Variants in PODXL observed in about 807,000 individuals in gnomAD.
PODXL encodes the protein podocalyxin.
PODXL carries 20 observed loss-of-function variants against 48.9 expected under a neutral mutation model. The observed-to-expected ratio is 0.41, with a 90% confidence interval of 0.29 to 0.59. PODXL has a LOEUF of 0.59. Ranked by LOEUF, PODXL falls within the 20% of genes least tolerant of loss-of-function variation. The pLI is 0.31. For missense variants in PODXL, 606 were observed against 675.1 expected (o/e 0.90, Z 1.13); for synonymous variants, 295 against 287.4 (o/e 1.03, Z -0.27).
rs759031194 is a variant in PODXL, at chr7:131,509,478, C to G, written c.910G>C (p.Ala304Pro). The G allele has an allele frequency of 6.2e-7, 1 of 1,613,848 alleles. No homozygotes were observed. The highest frequency in any genetic ancestry group is 1.1e-5 in the South Asian group (1 of 91,010). The change falls in exon 4 of 9, where the codon GCA becomes CCA. Residue 304 changes from alanine to proline, a missense_variant. Ala to Pro is a conservative substitution (Grantham distance 27). Transcript: ENST00000378555. The stretch of plus-strand genomic sequence containing the variant: ...TCTGGCAGGGTAGGTGTTCTCAATG[C>G]CGTTGCCGGGCTCGTGGGCTGCACT... ...ETVQPTSPAT[A>P]LRTPTLPETM...
chr7:131,551,699 G>A (rs1379470459), intron 1 of PODXL, among the ~76,000 whole-genome samples: 2 of 152,112 alleles, frequency 1.3e-5, no homozygotes, highest in African/African-American at 4.8e-5. Flanking sequence ...CACTTTGGGA[G>A]GCTGAGGCGG....
chr7:131,533,597 T>C (rs1798318470), intron 1 of PODXL, among the ~76,000 whole-genome samples: 1 of 152,186 alleles, frequency 6.6e-6, no homozygotes. Context: ...GAGGGCACTG[T>C]GGCCAGATCA....
intron 1 of PODXL, among the ~76,000 whole-genome samples, chr7:131,530,265 G>C (rs964011891): frequency 1.3e-5 from 2 of 151,902 alleles, no homozygotes; most frequent in African/African-American, 4.8e-5. Context: ...GGGTGGCATG[G>C]GAGAGCCGGA....
intron 1 of PODXL, among the ~76,000 whole-genome samples, chr7:131,532,179 T>C (rs1470598074): frequency 6.7e-6 from 1 of 149,156 alleles, no homozygotes; most frequent in Non-Finnish European, 1.5e-5. Context: ...CTCAAGCCTG[T>C]AATCTCAGCA....
At chr7:131,528,580 C>T (rs1421742026) in intron 1 of PODXL, among the ~76,000 whole-genome samples, 1 of 152,204 alleles carries the variant, frequency 6.6e-6, no homozygotes, top group Admixed American at 6.5e-5. Context: ...CAGAGGACCA[C>T]ACTTTGAGAA....
chr7:131,526,270 C>CA (rs1183714576), intron 1 of PODXL, among the ~76,000 whole-genome samples: 2 of 151,986 alleles, frequency 1.3e-5, no homozygotes, highest in African/African-American at 4.8e-5. Context: ...GAAAGAGGGT[C>CA]AACAGGAAAG....
chr7:131,518,448 G>A (rs1306606251), intron 1 of PODXL, among the ~76,000 whole-genome samples: 1 of 152,186 alleles, frequency 6.6e-6, no homozygotes, highest in African/African-American at 2.4e-5. Flanking sequence ...CCATCATCGA[G>A]CATCAGTTTG....
chr7:131,505,744 T>G (rs1412440685), intron 8 of PODXL, 124 bp downstream of exon 8: 10 of 926,530 alleles, frequency 1.1e-5, no homozygotes, highest in Admixed American at 2.8e-5. Context: ...AGGGGTGGCC[T>G]CTGCCTGTTA....
At chr7:131,521,464 C>G (rs930136035) in intron 1 of PODXL, among the ~76,000 whole-genome samples, 2 of 152,082 alleles carry the variant, frequency 1.3e-5, no homozygotes, top group Non-Finnish European at 2.9e-5. Flanking sequence ...GCCTCAGCCT[C>G]CTGAGTGGCT....
chr7:131,501,117 CAAA>C lies in PODXL; in HGVS notation c.*3191_*3193del, dbSNP rs1797694127. 6.6e-6 allele frequency: 1 copy of C among 152,248 alleles called. No individual in the cohort carries two copies. Among genetic ancestry groups the C allele is most frequent in the Non-Finnish European group, 1.5e-5 (1 of 67,942 alleles). The allele number at this position is 152,248 out of a possible 1,614,324, so 9.4% of individuals were successfully genotyped here. On this transcript the variant is annotated 3_prime_UTR_variant, in exon 9 of 9. Transcript: ENST00000378555. ...GCATTTTAAAATTAAAAAAACAAAA[CAAA>C]ACACCTGATCTACAAGACAAATACT...
At chr7:131,544,343 G>A (rs1798529270) in intron 1 of PODXL, among the ~76,000 whole-genome samples, 1 of 152,190 alleles carries the variant, frequency 6.6e-6, no homozygotes, top group Non-Finnish European at 1.5e-5. Context: ...GTGTCAACAG[G>A]ACCAGACTTC....
intron 1 of PODXL, chr7:131,520,193 G>T: frequency 3.1e-6 from 1 of 318,278 alleles, no homozygotes. Flanking sequence ...TCAACGAGGT[G>T]GTGACCCGAG....
At chr7:131,540,865 T>C (rs919680181) in intron 1 of PODXL, among the ~76,000 whole-genome samples, 2 of 152,144 alleles carry the variant, frequency 1.3e-5, no homozygotes, top group Non-Finnish European at 2.9e-5. Context: ...GATAGTCACC[T>C]CTGAAACGGA....
chr7:131,529,794 A>G (rs1584821973), intron 1 of PODXL, among the ~76,000 whole-genome samples: 1 of 152,084 alleles, frequency 6.6e-6, no homozygotes, highest in Non-Finnish European at 1.5e-5. Context: ...CATCTGTGAA[A>G]GGTGGGCCAG....
At chr7:131,548,776 G>A (rs2116867611) in intron 1 of PODXL, among the ~76,000 whole-genome samples, 1 of 152,188 alleles carries the variant, frequency 6.6e-6, no homozygotes, top group Middle Eastern at 3.4e-3. Context: ...AGGAGACATG[G>A]CCCCCTCCTG....
chr7:131,540,314 T>C (rs1225542223), intron 1 of PODXL, among the ~76,000 whole-genome samples: 1 of 152,088 alleles, frequency 6.6e-6, no homozygotes, highest in African/African-American at 2.4e-5. Flanking sequence ...CCCAAAGTAT[T>C]GAGATTACAG....
intron 1 of PODXL, among the ~76,000 whole-genome samples, chr7:131,531,964 G>GAT (rs1433530330): frequency 1.3e-5 from 2 of 151,876 alleles, no homozygotes; most frequent in African/African-American, 2.4e-5. Context: ...TACAAAATTA[G>GAT]CTGGGCATGG....
rs781120275 is a variant in PODXL at position 131,509,507 on chromosome 7, T to G, written c.881A>C (p.Glu294Ala). Residue 294 changes from glutamate to alanine, a missense_variant, in exon 4 of 9, where the codon GAG becomes GCG. Glu to Ala is a moderately radical substitution (Grantham distance 107). Coordinates refer to ENST00000378555, the MANE Select transcript of PODXL (RefSeq NM_001018111.3). ...TGCCGGGCTCGTGGGCTGCACTGTC[T>G]CCTGGGAGGAAGGGGCCGTAGAGCT... ...PASSTAPSSQ[E>A]TVQPTSPATA... is the part of the protein sequence containing the mutation. The G allele has an allele frequency of 6.2e-7, 1 of 1,611,788 alleles. No individual in the cohort carries two copies. Among genetic ancestry groups the G allele is most frequent in the Non-Finnish European group, 8.5e-7 (1 of 1,178,310 alleles).
intron 4 of PODXL, 101 bp downstream of exon 4, chr7:131,509,264 C>T: frequency 1.0e-6 from 1 of 1,003,036 alleles, no homozygotes; most frequent in Non-Finnish European, 1.6e-6. Flanking sequence ...AAAGCCCCAG[C>T]CAGGGGCCCT....
Sources: allele counts gnomAD v4.1 joint callset (sites outside exome capture counted in the v4.1 genomes callset), GRCh38; gene constraint gnomAD v4.1.1; transcripts MANE v1.5; gene names NCBI Gene and HGNC (gene_info 2026-07-23, HGNC 2026-07-21).